Variants in CLEC16A observed in about 807,000 individuals in gnomAD.
CLEC16A encodes the protein protein CLEC16A.
A neutral mutation model predicts 109.5 loss-of-function variants in CLEC16A; 51 were observed. The observed-to-expected ratio is 0.47, with a 90% CI of 0.37 to 0.59. CLEC16A has a LOEUF of 0.59. Among genes scored for constraint, CLEC16A ranks in the 20% least tolerant of loss-of-function variants. The pLI is 0.00. For missense variants in CLEC16A, 1,339 were observed against 1,394.0 expected (o/e 0.96, Z 0.63); for synonymous variants, 673 against 564.2 (o/e 1.19, Z -2.73).
chr16:11,144,200 C>G (rs1035442330), intron 22 of CLEC16A, among the ~76,000 whole-genome samples: 2 of 152,298 alleles, frequency 1.3e-5, no homozygotes, highest in African/African-American at 4.8e-5. Flanking sequence ...GAACTGCACC[C>G]AAATGAGCAA....
chr16:11,106,902 GC>G (rs760862126), intron 19 of CLEC16A, among the ~76,000 whole-genome samples: 2 of 152,136 alleles, frequency 1.3e-5, no homozygotes, highest in African/African-American at 4.8e-5. Context: ...CAGGCACTTG[GC>G]CCAGGCCCGG....
Position 11,149,384 on chromosome 16 carries a change from A to G in CLEC16A, c.2642-17004A>G, listed in dbSNP as rs1023669456. 5.9e-5 allele frequency among the ~76,000 whole-genome samples: 9 copies of G among 152,212 alleles called. No homozygotes were observed. The South Asian group carries it at 1.7e-3, about 28-fold the overall frequency. Reference sequence around the variant, plus strand: ...TACAGGAAGAAGAAATCACAATCCTATCAACCCAGAAGAAAGCATTGTTAA... The same window carrying G: ...TACAGGAAGAAGAAATCACAATCCTGTCAACCCAGAAGAAAGCATTGTTAA... On this transcript the variant is annotated intron_variant, in intron 22 of 23. Coordinates refer to ENST00000409790, the MANE Select transcript of CLEC16A (RefSeq NM_015226.3).
At chr16:11,177,408 C>G (rs1486841728) in intron 23 of CLEC16A, among the ~76,000 whole-genome samples, 2 of 152,120 alleles carry the variant, frequency 1.3e-5, no homozygotes, top group African/African-American at 4.8e-5. Context: ...TGAAACCAGC[C>G]TGGCCAACAT....
At chr16:10,958,611 A>C (rs1407990919) in intron 2 of CLEC16A, among the ~76,000 whole-genome samples, 1 of 152,210 alleles carries the variant, frequency 6.6e-6, no homozygotes, top group East Asian at 1.9e-4. Flanking sequence ...GGACAGTTAA[A>C]AAGCAAGGGC....
chr16:10,981,608 T>C (rs1461438374), intron 9 of CLEC16A, among the ~76,000 whole-genome samples: 1 of 152,236 alleles, frequency 6.6e-6, no homozygotes, highest in Non-Finnish European at 1.5e-5. Flanking sequence ...AGCACCCAAC[T>C]GCACTCCCCA....
At chr16:10,966,726 C>G (rs1385873438) in intron 3 of CLEC16A, among the ~76,000 whole-genome samples, 1 of 151,990 alleles carries the variant, frequency 6.6e-6, no homozygotes, top group African/African-American at 2.4e-5. Context: ...AGGGGGAAGC[C>G]CCTTACAAAA....
intron 10 of CLEC16A, among the ~76,000 whole-genome samples, chr16:10,999,755 T>A (rs564747639): frequency 1.2e-3 from 186 of 152,368 alleles, no homozygotes; most frequent in African/African-American, 4.3e-3. Context: ...TTTTTTTCTT[T>A]TTTTAGATGT....
rs528673651 is a variant in CLEC16A, at chr16:11,028,352, A to G, written c.1537+3431A>G. Among the ~76,000 whole-genome samples the G allele has an allele frequency of 1.8e-4, 28 of 152,240 alleles. No homozygotes were observed. The East Asian group carries it at 5.2e-3, about 28-fold the overall frequency. ...GAAGGAGTCCTGCTTTGTTGCATCTATCCTAGGGTTTAATGTTGGTAAATG... is the reference window on the plus strand; with the variant it reads ...GAAGGAGTCCTGCTTTGTTGCATCTGTCCTAGGGTTTAATGTTGGTAAATG... On this transcript the variant is annotated intron_variant, in intron 13 of 23. Coordinates refer to ENST00000409790, the MANE Select transcript of CLEC16A (RefSeq NM_015226.3).
chr16:11,062,480 C>T (rs1329072066), intron 19 of CLEC16A, among the ~76,000 whole-genome samples: 1 of 152,140 alleles, frequency 6.6e-6, no homozygotes, highest in African/African-American at 2.4e-5. Context: ...TCTTAAAATA[C>T]AGAATTGTTT....
chr16:11,039,605 CTAAAAAA>C, intron 13 of CLEC16A, 142 bp from the exon 14 acceptor site: 2 of 1,058,626 alleles, frequency 1.9e-6, no homozygotes, highest in Non-Finnish European at 2.6e-6. Flanking sequence ...CTATTAAAAA[CTAAAAAA>C]AAGAAAAGAA....
chr16:11,086,967 G>T (rs941868249), intron 19 of CLEC16A, among the ~76,000 whole-genome samples: 1 of 152,182 alleles, frequency 6.6e-6, no homozygotes, highest in Non-Finnish European at 1.5e-5. Context: ...GATGTTTGCC[G>T]TGTCAGAGAA....
At chr16:10,958,034 T>TC (rs753953268) in intron 2 of CLEC16A, 124 bp downstream of exon 2, 8 of 906,854 alleles carry the variant, frequency 8.8e-6, no homozygotes, top group Non-Finnish European at 1.3e-5. Flanking sequence ...CCTAGATATC[T>TC]ATCTCTGTCT....
chr16:11,030,802 G>A (rs538610870), intron 13 of CLEC16A, among the ~76,000 whole-genome samples: 156 of 152,186 alleles, frequency 1.0e-3, no homozygotes, highest in African/African-American at 3.5e-3. Flanking sequence ...GCGCCACCAC[G>A]CCCGGCTGAT....
chr16:11,171,170 C>A (rs1820337785), intron 23 of CLEC16A, among the ~76,000 whole-genome samples: 1 of 152,204 alleles, frequency 6.6e-6, no homozygotes, highest in South Asian at 2.1e-4. Context: ...GGCCTATAGC[C>A]CAGCGGTAGC....
intron 22 of CLEC16A, among the ~76,000 whole-genome samples, chr16:11,133,299 A>G (rs138584708): frequency 0.014 from 2,138 of 151,434 alleles, 33 homozygotes; most frequent in African/African-American, 0.048. Flanking sequence ...AGATCTTGCC[A>G]TTGCACTCTA....
chr16:11,036,518 C>G (rs2047027773), intron 13 of CLEC16A, among the ~76,000 whole-genome samples: 3 of 149,564 alleles, frequency 2.0e-5, no homozygotes, highest in African/African-American at 7.4e-5. Context: ...TAGGTTTTAT[C>G]CTTGTGTTCT....
At chr16:11,122,102 G>T (rs1420124838) in intron 20 of CLEC16A, among the ~76,000 whole-genome samples, 1 of 10,576 alleles carries the variant, frequency 9.5e-5, no homozygotes, top group Non-Finnish European at 1.4e-4. Context: ...CTGGTTTCTG[G>T]AAGGGCCTTG....
chr16:11,102,647 G>T (rs2050986759), intron 19 of CLEC16A, among the ~76,000 whole-genome samples: 1 of 152,176 alleles, frequency 6.6e-6, no homozygotes, highest in South Asian at 2.1e-4. Context: ...ACCTGGAAAG[G>T]TCGGTTGCCC....
At chr16:11,071,414 A>G (rs1184528535) in intron 19 of CLEC16A, among the ~76,000 whole-genome samples, 1 of 152,196 alleles carries the variant, frequency 6.6e-6, no homozygotes, top group African/African-American at 2.4e-5. Context: ...AGACCAAAAA[A>G]GAGGGGGACG....
Sources: allele counts gnomAD v4.1 joint callset (sites outside exome capture counted in the v4.1 genomes callset), GRCh38; gene constraint gnomAD v4.1.1; transcripts MANE v1.5; gene names NCBI Gene and HGNC (gene_info 2026-07-23, HGNC 2026-07-21).